Variants in SH3PXD2A observed in about 807,000 individuals in gnomAD.
SH3PXD2A encodes SH3 and PX domain-containing protein 2A.
SH3PXD2A carries 32 observed loss-of-function variants against 115.2 expected under a neutral mutation model. The observed-to-expected ratio is 0.28, with a 90% confidence interval of 0.21 to 0.37. The LOEUF is 0.37. Ranked by LOEUF, SH3PXD2A falls within the 10% of genes least tolerant of loss-of-function variation. The pLI, the probability that SH3PXD2A is intolerant of heterozygous loss-of-function variation, is 1.00. For missense variants in SH3PXD2A, 1,328 were observed against 1,498.7 expected, an observed-to-expected ratio of 0.89 and a Z score of 1.88; for synonymous variants, 610 against 629.1, an observed-to-expected ratio of 0.97 and a Z score of 0.45.
intron 2 of SH3PXD2A, among the ~76,000 whole-genome samples, chr10:103,768,131 A>T (rs1412341689): frequency 6.6e-6 from 1 of 152,256 alleles, no homozygotes; most frequent in East Asian, 1.9e-4. Flanking sequence ...GGCACTAAGG[A>T]AAGGGCAGTA....
chr10:103,647,695 C>T (rs531622366), intron 8 of SH3PXD2A, among the ~76,000 whole-genome samples: 1 of 152,242 alleles, frequency 6.6e-6, no homozygotes, highest in East Asian at 1.9e-4. Flanking sequence ...GCCCAGGTGC[C>T]GAGGTAACTA....
At chr10:103,628,986 C>G (rs113725321) in intron 8 of SH3PXD2A, among the ~76,000 whole-genome samples, 3 of 152,358 alleles carry the variant, frequency 2.0e-5, no homozygotes, top group African/African-American at 7.2e-5. Flanking sequence ...CACTGAGGGG[C>G]TGCAGAGCCT....
intron 1 of SH3PXD2A, among the ~76,000 whole-genome samples, chr10:103,804,671 C>T (rs147223268): frequency 3.3e-5 from 5 of 152,110 alleles, no homozygotes; most frequent in Non-Finnish European, 5.9e-5. Flanking sequence ...GAGAAGCCTG[C>T]GGTGCTCTTG....
At chr10:103,716,358 GC>G (rs1382592693) in intron 5 of SH3PXD2A, among the ~76,000 whole-genome samples, 1 of 152,014 alleles carries the variant, frequency 6.6e-6, no homozygotes, top group African/African-American at 2.4e-5. Flanking sequence ...GATGGTTCTG[GC>G]CTGGCCTCAG....
chr10:103,828,957 T>C (rs1020926333), intron 1 of SH3PXD2A, among the ~76,000 whole-genome samples: 8 of 152,202 alleles, frequency 5.3e-5, no homozygotes, highest in Admixed American at 2.6e-4. Context: ...CTTTTTTTAA[T>C]GGGGCAGTCA....
At chr10:103,619,196 G>A (rs932429467) in intron 10 of SH3PXD2A, among the ~76,000 whole-genome samples, 1 of 152,230 alleles carries the variant, frequency 6.6e-6, no homozygotes, top group Non-Finnish European at 1.5e-5. Context: ...AAGGCGGCCT[G>A]AGAACCCTGC....
chr10:103,845,517 C>T (rs1842838554), intron 1 of SH3PXD2A, among the ~76,000 whole-genome samples: 1 of 152,092 alleles, frequency 6.6e-6, no homozygotes, highest in Non-Finnish European at 1.5e-5. Context: ...AGGAAGTTAC[C>T]CTATATGGTC....
intron 5 of SH3PXD2A, 124 bp from the exon 6 acceptor site, chr10:103,693,180 A>G: frequency 4.0e-6 from 2 of 502,698 alleles, no homozygotes; most frequent in Non-Finnish European, 3.2e-6. Flanking sequence ...TGTGATGCCC[A>G]CGGCCGGCTA....
intron 5 of SH3PXD2A, among the ~76,000 whole-genome samples, chr10:103,708,454 A>G (rs889256482): frequency 7.9e-5 from 12 of 152,168 alleles, no homozygotes; most frequent in Non-Finnish European, 1.6e-4. Flanking sequence ...CCCTAAGCAC[A>G]GTAGGAAACA....
intron 8 of SH3PXD2A, among the ~76,000 whole-genome samples, chr10:103,642,514 T>G (rs1408915588): frequency 1.3e-5 from 2 of 152,158 alleles, no homozygotes; most frequent in Admixed American, 1.3e-4. Context: ...GGACTACAGC[T>G]TTAGGAAGCC....
chr10:103,602,331 T>C lies in SH3PXD2A; in HGVS notation c.2887A>G (p.Thr963Ala), dbSNP rs750309437. 8 of 1,613,456 alleles carry C rather than the reference T, an allele frequency of 5.0e-6. No homozygotes were observed. The highest frequency in any genetic ancestry group is 5.9e-6 in the Non-Finnish European group (7 of 1,179,792). ...CCGTTCCTCATCTTCACCGCTGGAG[T>C]GCCTGAGGTCTTGCCGAAGCCCCCG... The part of the protein sequence containing the change: ...PPGGFGKTSG[T>A]PAVKMRNGVR... The change falls in exon 15 of 15, where the codon ACT becomes GCT. Residue 963 changes from threonine to alanine, a missense_variant. By Grantham distance (58) the Thr-to-Ala change is moderately conservative. Coordinates refer to ENST00000369774, the MANE Select transcript of SH3PXD2A (RefSeq NM_001394015.1).
intron 2 of SH3PXD2A, among the ~76,000 whole-genome samples, chr10:103,777,835 C>G (rs2038894943): frequency 6.6e-6 from 1 of 152,142 alleles, no homozygotes; most frequent in Non-Finnish European, 1.5e-5. Context: ...GGCTTGGCCT[C>G]TCTGGGTAAC....
intron 2 of SH3PXD2A, among the ~76,000 whole-genome samples, chr10:103,770,041 T>C (rs932790869): frequency 3.3e-5 from 5 of 152,156 alleles, no homozygotes; most frequent in Non-Finnish European, 7.3e-5. Flanking sequence ...TAGCAGTGGG[T>C]GGTCAAAAAG....
chr10:103,824,772 G>A (rs767874159), intron 1 of SH3PXD2A, among the ~76,000 whole-genome samples: 48 of 151,882 alleles, frequency 3.2e-4, no homozygotes, highest in Non-Finnish European at 6.5e-4. Flanking sequence ...TAGACAGGCA[G>A]AGAGGGCAGA....
At chr10:103,622,927 C>T (rs529034013) in intron 9 of SH3PXD2A, among the ~76,000 whole-genome samples, 6 of 152,260 alleles carry the variant, frequency 3.9e-5, no homozygotes, top group East Asian at 1.9e-4. Context: ...CACTGCTGGG[C>T]GGTGCTGATT....
rs1016058396 is a variant in SH3PXD2A, at chr10:103,622,461, C to T, written c.802+9G>A. On this transcript the variant is annotated intron_variant, in intron 10 of 14. Transcript: ENST00000369774. ...CTGCGAGGGAGGAGAAGCCAGCTCC[C>T]GCAGTCACCTCGGCTGTGCTGCCTG... The T allele has an allele frequency of 2.3e-5, 36 of 1,541,746 alleles. No homozygotes were observed. Among genetic ancestry groups the T allele is most frequent in the Middle Eastern group, 1.7e-4 (1 of 5,992 alleles).
intron 2 of SH3PXD2A, among the ~76,000 whole-genome samples, chr10:103,772,077 A>T (rs1402311683): frequency 1.3e-5 from 2 of 152,228 alleles, no homozygotes; most frequent in Non-Finnish European, 2.9e-5. Flanking sequence ...AACGAAAGCA[A>T]ATCTCTGGGC....
chr10:103,681,804 G>C, intron 6 of SH3PXD2A, among the ~76,000 whole-genome samples: 1 of 152,134 alleles, frequency 6.6e-6, no homozygotes, highest in Non-Finnish European at 1.5e-5. Flanking sequence ...GGCCAGATGC[G>C]GTGGCTCATA....
intron 8 of SH3PXD2A, among the ~76,000 whole-genome samples, chr10:103,638,775 T>C (rs886429864): frequency 1.3e-5 from 2 of 152,236 alleles, no homozygotes; most frequent in Non-Finnish European, 2.9e-5. Flanking sequence ...CGCAAAGCGC[T>C]GACATGAAGT....
Sources: gnomAD v4.1 joint callset for allele counts (sites outside exome capture counted in the v4.1 genomes callset) on GRCh38, gnomAD v4.1.1 for gene constraint, MANE v1.5 for transcripts, NCBI Gene and HGNC (gene_info 2026-07-23, HGNC 2026-07-21) for gene names.